Variants in ORC5 observed in about 807,000 individuals in gnomAD.
ORC5 encodes the protein origin recognition complex subunit 5.
ORC5 carries 39 observed loss-of-function variants against 58.8 expected under a neutral mutation model. That is an observed-to-expected ratio of 0.66 (90% CI 0.51 to 0.87). ORC5 has a LOEUF of 0.87. ORC5 is among the 40% of genes least tolerant of loss of function. The pLI is 0.00. For missense variants in ORC5, 493 were observed against 506.3 expected, an observed-to-expected ratio of 0.97 and a Z score of 0.25; for synonymous variants, 218 against 177.6, an observed-to-expected ratio of 1.23 and a Z score of -1.81.
chr7:104,170,217 T>G (rs1799185982), intron 8 of ORC5, among the ~76,000 whole-genome samples: 1 of 152,196 alleles, frequency 6.6e-6, no homozygotes, highest in African/African-American at 2.4e-5. Flanking sequence ...GGTTTTTTTC[T>G]GTTATTTTTA....
chr7:104,136,992 T>A lies in ORC5; in HGVS notation c.1150-99A>T. 1.3e-6 allele frequency: 1 copy of A among 778,626 alleles called. No homozygotes were observed. The highest frequency in any genetic ancestry group is 2.1e-6 in the Non-Finnish European group (1 of 475,736). The allele number at this position is 778,626 out of a possible 1,614,324, so 48.2% of individuals were successfully genotyped here. A position where few individuals can be genotyped will look rare whatever the true frequency, so the allele number is the denominator to read the frequency against. On this transcript the variant is annotated intron_variant, in intron 12 of 13. Transcript: ENST00000297431. The surrounding 1 kb of genome is among the most constrained non-coding windows in gnomAD (Gnocchi z 4.2). ...AGTCTGATAAAGATACATAACTGAA[T>A]CACAAAAAACGTCTGCAAAGAAAAT... is the stretch of plus-strand genomic sequence containing the variant.
chr7:104,152,077 T>C (rs1196056472), intron 12 of ORC5, among the ~76,000 whole-genome samples: 2 of 152,214 alleles, frequency 1.3e-5, no homozygotes, highest in African/African-American at 4.8e-5. Flanking sequence ...CATTGTGTGC[T>C]GACAAGGAAT....
At chr7:104,137,317 A>G (rs1453597969) in intron 12 of ORC5, among the ~76,000 whole-genome samples, 1 of 151,394 alleles carries the variant, frequency 6.6e-6, no homozygotes, top group African/African-American at 2.4e-5. Flanking sequence ...ACAGGGTCTC[A>G]CTGTGTTGTC....
At chr7:104,152,290 AT>A (rs1306483627) in intron 12 of ORC5, among the ~76,000 whole-genome samples, 1 of 151,976 alleles carries the variant, frequency 6.6e-6, no homozygotes, top group Non-Finnish European at 1.5e-5. Flanking sequence ...TGGGATTACA[AT>A]CACGCACCAC....
intron 13 of ORC5, among the ~76,000 whole-genome samples, chr7:104,130,062 A>ATT (rs935910166): frequency 7.1e-6 from 1 of 140,172 alleles, no homozygotes; most frequent in Non-Finnish European, 1.6e-5. Flanking sequence ...GATTTTTTTA[A>ATT]TTTTTTTTTT....
rs1341459727 is a variant in ORC5, at chr7:104,196,148, G to A, written c.442-894C>T. On this transcript the variant is annotated intron_variant, in intron 4 of 13. Coordinates refer to ENST00000297431, the MANE Select transcript of ORC5 (RefSeq NM_002553.4). Reference sequence around the variant, plus strand: ...GTTTCTGTAATTGAAACTAAAAAACGGTGAAAAGTCCTAATTGTTGTGAAG... The same window carrying A: ...GTTTCTGTAATTGAAACTAAAAAACAGTGAAAAGTCCTAATTGTTGTGAAG... 3.3e-5 allele frequency among the ~76,000 whole-genome samples: 5 copies of A among 152,120 alleles called. 1 individual carries two copies. The highest frequency in any genetic ancestry group is 2.6e-4 in the Admixed American group (4 of 15,290).
intron 12 of ORC5, among the ~76,000 whole-genome samples, chr7:104,141,267 T>A (rs1798668602): frequency 6.6e-6 from 1 of 152,148 alleles, no homozygotes; most frequent in African/African-American, 2.4e-5. Flanking sequence ...CTTAGAAATC[T>A]GGTATATGCT....
intron 2 of ORC5, among the ~76,000 whole-genome samples, chr7:104,202,864 C>T (rs1799977777): frequency 6.6e-6 from 1 of 152,190 alleles, no homozygotes; most frequent in South Asian, 2.1e-4. Context: ...CAAGTTAATA[C>T]GTGCCAAGTA....
intron 8 of ORC5, among the ~76,000 whole-genome samples, chr7:104,181,946 TAAA>T (rs1799442407): frequency 1.3e-5 from 2 of 152,140 alleles, no homozygotes; most frequent in African/African-American, 4.8e-5. Flanking sequence ...CAAGAGGTTT[TAAA>T]ATCTATGTGA....
chr7:104,168,101 T>C (rs79142830), intron 9 of ORC5: 7,281 of 245,008 alleles, frequency 0.03, 533 homozygotes, highest in African/African-American at 0.15. Flanking sequence ...AAAGTGCATA[T>C]CCCAAACCGA....
At chr7:104,148,142 C>T (rs1385813352) in intron 12 of ORC5, among the ~76,000 whole-genome samples, 1 of 152,120 alleles carries the variant, frequency 6.6e-6, no homozygotes, top group Non-Finnish European at 1.5e-5. Flanking sequence ...CTCACAAAAA[C>T]CCTCCCATGA....
chr7:104,205,084 C>CTTTT (rs769195880), intron 1 of ORC5, among the ~76,000 whole-genome samples: 4 of 102,394 alleles, frequency 3.9e-5, no homozygotes, highest in African/African-American at 1.4e-4. Flanking sequence ...TTTAATAATA[C>CTTTT]TCTTTTTTTT....
chr7:104,181,250 G>C (rs1032930324), intron 8 of ORC5, among the ~76,000 whole-genome samples: 1 of 152,116 alleles, frequency 6.6e-6, no homozygotes, highest in African/African-American at 2.4e-5. Context: ...ATAGTTTATA[G>C]TTTTATGGAA....
intron 8 of ORC5, among the ~76,000 whole-genome samples, chr7:104,169,025 T>G (rs1799159665): frequency 6.6e-6 from 1 of 152,178 alleles, no homozygotes; most frequent in Non-Finnish European, 1.5e-5. Context: ...GACGTTGCAG[T>G]GAGCTGAGAT....
chr7:104,158,682 C>T (rs1419866300), intron 12 of ORC5, among the ~76,000 whole-genome samples: 1 of 151,934 alleles, frequency 6.6e-6, no homozygotes, highest in Non-Finnish European at 1.5e-5. Flanking sequence ...TGAACAGACA[C>T]TTCTCAAAAG....
chr7:104,197,810 C>A lies in ORC5; in HGVS notation c.367-11G>T. ...TGCTTTATCTAGAACCTTTAAAAAACAAAAAAACAAAACAAAAAGAAATGC... is the reference window on the plus strand; with the variant it reads ...TGCTTTATCTAGAACCTTTAAAAAAAAAAAAAACAAAACAAAAAGAAATGC... On this transcript the variant is annotated splice_polypyrimidine_tract_variant and intron_variant, in intron 3 of 13. Coordinates refer to ENST00000297431, the MANE Select transcript of ORC5 (RefSeq NM_002553.4). 3 of 1,486,566 alleles carry A rather than the reference C, an allele frequency of 2.0e-6. No individual in the cohort carries two copies. Among genetic ancestry groups the A allele is most frequent in the South Asian group, 1.3e-5 (1 of 76,542 alleles). 92.1% of individuals were successfully genotyped at this position (1,486,566 alleles called of 1,614,324 possible). A position where few individuals can be genotyped will look rare whatever the true frequency, so the allele number is the denominator to read the frequency against.
intron 12 of ORC5, 110 bp from the exon 13 acceptor site, chr7:104,137,003 G>A (rs1213012842): frequency 2.7e-5 from 19 of 704,826 alleles, no homozygotes; most frequent in East Asian, 1.1e-4. Flanking sequence ...CACAAAAAAC[G>A]TCTGCAAAGA....
At chr7:104,176,324 AGT>A (rs1799320512) in intron 8 of ORC5, among the ~76,000 whole-genome samples, 1 of 152,220 alleles carries the variant, frequency 6.6e-6, no homozygotes, top group Admixed American at 6.5e-5. Flanking sequence ...TAAATAAGCT[AGT>A]TATCTGGGAA....
chr7:104,184,388 T>C (rs1433729019), intron 6 of ORC5: 1 of 515,258 alleles, frequency 1.9e-6, no homozygotes, highest in Non-Finnish European at 3.4e-6. Flanking sequence ...ATCAAGCCTG[T>C]AGTGTGCTGT....
Sources: gnomAD v4.1 joint callset for allele counts (sites outside exome capture counted in the v4.1 genomes callset) on GRCh38, gnomAD v4.1.1 for gene constraint, Gnocchi (gnomAD v3.1) non-coding constraint, MANE v1.5 for transcripts, NCBI Gene and HGNC (gene_info 2026-07-23, HGNC 2026-07-21) for gene names.